The following CSMD2 variants were observed in gnomAD, a reference collection of about 807,000 sequenced individuals.
CSMD2 encodes the protein CUB and Sushi multiple domains 2.
In CSMD2, 130 loss-of-function variants were observed where a neutral mutation model predicts 398.5. The observed-to-expected ratio is 0.33, with a 90% CI of 0.28 to 0.38. The LOEUF (loss-of-function observed/expected upper bound fraction) is 0.38. CSMD2 is among the 10% of genes least tolerant of loss of function. The pLI is 1.00. For missense variants in CSMD2, 3,829 were observed against 4,764.9 expected (o/e 0.80, Z 5.78); for synonymous variants, 1,828 against 1,908.5 (o/e 0.96, Z 1.10).
Position 33,577,764 on chromosome 1 carries a change from A to G in CSMD2, c.7388-280T>C, listed in dbSNP as rs1458965031. On this transcript the variant is annotated intron_variant, in intron 48 of 70. Coordinates refer to ENST00000373381, the MANE Select transcript of CSMD2 (RefSeq NM_001281956.2). ...TGCGGTCCAAAGGTAGATCTGGTGT[A>G]TGGCTAAGTTCAGGCTCTCAAATCC... is the stretch of plus-strand genomic sequence containing the variant. Among the ~76,000 whole-genome samples the G allele has an allele frequency of 2.6e-5, 4 of 152,138 alleles. No individual in the cohort carries two copies. The East Asian group carries it at 7.7e-4, about 29-fold the overall frequency.
In CSMD2 at chr1:34,006,225, C is replaced by T. The variant is rs185080449; in HGVS notation, c.517+26369G>A. On this transcript the variant is annotated intron_variant, in intron 3 of 70. Transcript: ENST00000373381. ...AGTCTAGAGAACCTTTGAGACAGTC[C>T]TCCCAGACCTCATCAGGGTCCCTTA... Among the ~76,000 whole-genome samples the T allele has an allele frequency of 7.2e-5, 11 of 152,272 alleles. No individual in the cohort carries two copies. In the South Asian group the frequency reaches 1.0e-3, roughly 14 times the overall value.
intron 1 of CSMD2, among the ~76,000 whole-genome samples, chr1:34,093,941 C>T (rs1393345971): frequency 1.3e-5 from 2 of 149,982 alleles, no homozygotes; most frequent in African/African-American, 2.4e-5. Context: ...AGAGCAACTC[C>T]AAGACACATA....
At chr1:33,621,533 C>T (rs533553653) in intron 37 of CSMD2, among the ~76,000 whole-genome samples, 9 of 152,234 alleles carry the variant, frequency 5.9e-5, no homozygotes, top group African/African-American at 1.2e-4. Context: ...AAATATTTGC[C>T]GAATAAAAGT....
intron 5 of CSMD2, among the ~76,000 whole-genome samples, chr1:33,877,147 C>G (rs1321628): frequency 0.84 from 127,602 of 152,226 alleles, 54,008 homozygotes; most frequent in African/African-American, 0.95. Context: ...AAATGGGCCA[C>G]ACCTGGCTGG....
Position 33,835,617 on chromosome 1 carries a change from C to G in CSMD2, c.1034-9843G>C, listed in dbSNP as rs1557976581. 1.5e-4 allele frequency among the ~76,000 whole-genome samples: 19 copies of G among 126,222 alleles called. No individual in the cohort carries two copies. The South Asian group carries it at 5.9e-3, about 39-fold the overall frequency. 82.8% of individuals were successfully genotyped at this position (126,222 alleles called of 152,430 possible). On this transcript the variant is annotated intron_variant, in intron 6 of 70. Transcript: ENST00000373381. The stretch of plus-strand genomic sequence containing the variant: ...TGTATACATATGTAACTAACCTGCA[C>G]AATGTGTACATGTACCCTAAAACTT...
At chr1:33,907,672 C>G (rs1643186393) in intron 5 of CSMD2, among the ~76,000 whole-genome samples, 1 of 152,122 alleles carries the variant, frequency 6.6e-6, no homozygotes, top group Admixed American at 6.5e-5. Context: ...CTGTTGAGAT[C>G]CACCATATGT....
intron 5 of CSMD2, among the ~76,000 whole-genome samples, chr1:33,898,793 A>C (rs945116600): frequency 2.0e-5 from 3 of 152,304 alleles, no homozygotes; most frequent in African/African-American, 7.2e-5. Context: ...CCGCTGGTGG[A>C]AAGATGGAGG....
At chr1:33,669,964 A>G (rs1644438707) in intron 25 of CSMD2, among the ~76,000 whole-genome samples, 1 of 152,226 alleles carries the variant, frequency 6.6e-6, no homozygotes, top group South Asian at 2.1e-4. Flanking sequence ...CAGTATTTCC[A>G]GAGGGATCTT....
chr1:33,686,488 C>T (rs1215893662), intron 25 of CSMD2, among the ~76,000 whole-genome samples: 1 of 152,204 alleles, frequency 6.6e-6, no homozygotes, highest in East Asian at 1.9e-4. Flanking sequence ...TACCAGGGTT[C>T]AAGGAAAGGG....
intron 6 of CSMD2, among the ~76,000 whole-genome samples, chr1:33,831,966 C>T (rs1487025919): frequency 1.3e-5 from 2 of 152,010 alleles, no homozygotes; most frequent in African/African-American, 2.4e-5. Context: ...AGCTAACTAT[C>T]TTAAATATAT....
rs572457973 is a variant in CSMD2, at chr1:33,583,092, A to G, written c.7240+550T>C. Reference sequence around the variant, plus strand: ...TGGTTCACTCTATTGAGGACATCATATTAATTAGACCTGATGAGTGAGAAG... The same window carrying G: ...TGGTTCACTCTATTGAGGACATCATGTTAATTAGACCTGATGAGTGAGAAG... On this transcript the variant is annotated intron_variant, in intron 47 of 70. Coordinates refer to ENST00000373381, the MANE Select transcript of CSMD2 (RefSeq NM_001281956.2). 2.6e-5 allele frequency among the ~76,000 whole-genome samples: 4 copies of G among 152,350 alleles called. No individual in the cohort carries two copies. In the East Asian group the frequency reaches 7.7e-4, roughly 29 times the overall value.
intron 13 of CSMD2, among the ~76,000 whole-genome samples, chr1:33,746,593 T>C (rs923902448): frequency 2.6e-5 from 4 of 152,230 alleles, no homozygotes; most frequent in African/African-American, 9.6e-5. Flanking sequence ...GCTCTGCTTA[T>C]CATTCTCTAA....
intron 32 of CSMD2, among the ~76,000 whole-genome samples, chr1:33,630,366 T>C (rs1417266873): frequency 6.6e-6 from 1 of 152,200 alleles, no homozygotes; most frequent in African/African-American, 2.4e-5. Flanking sequence ...ACTGATACAA[T>C]AGATCTGAAT....
intron 56 of CSMD2, among the ~76,000 whole-genome samples, chr1:33,548,568 T>C (rs913333089): frequency 2.0e-5 from 3 of 152,222 alleles, no homozygotes; most frequent in African/African-American, 7.2e-5. Context: ...CTGGAATTCA[T>C]GAATGTGTAT....
intron 43 of CSMD2, 69 bp downstream of exon 43, chr1:33,602,300 C>T: frequency 1.3e-6 from 2 of 1,543,238 alleles, no homozygotes; most frequent in Non-Finnish European, 1.8e-6. Flanking sequence ...AGGTAACTGA[C>T]TGGTAACCCA....
intron 37 of CSMD2, among the ~76,000 whole-genome samples, chr1:33,621,856 G>A (rs951121869): frequency 3.3e-5 from 5 of 152,178 alleles, no homozygotes; most frequent in African/African-American, 1.2e-4. Flanking sequence ...TTTAGACCTG[G>A]GGGAGGAAAG....
At chr1:33,992,996 T>A (rs1452546465) in intron 3 of CSMD2, among the ~76,000 whole-genome samples, 1 of 152,162 alleles carries the variant, frequency 6.6e-6, no homozygotes, top group Non-Finnish European at 1.5e-5. Context: ...AAAGCAAGTT[T>A]CAGAATAGTA....
chr1:34,074,894 G>A (rs538988816), intron 2 of CSMD2, among the ~76,000 whole-genome samples: 1 of 152,324 alleles, frequency 6.6e-6, no homozygotes, highest in East Asian at 1.9e-4. Context: ...TAAGCAAGGG[G>A]CAGATGGAGG....
At chr1:33,767,556 A>G (rs1650671167) in intron 13 of CSMD2, among the ~76,000 whole-genome samples, 1 of 152,172 alleles carries the variant, frequency 6.6e-6, no homozygotes, top group Admixed American at 6.5e-5. Context: ...TTTGACCAGG[A>G]ACAGCCATAC....
Sources: allele counts gnomAD v4.1 joint callset (sites outside exome capture counted in the v4.1 genomes callset), GRCh38; gene constraint gnomAD v4.1.1; transcripts MANE v1.5; gene names NCBI Gene and HGNC (gene_info 2026-07-23, HGNC 2026-07-21).